CLMN: variants seen among roughly 807,000 people sequenced by gnomAD.
The protein encoded by CLMN is calmin.
In CLMN, 57 loss-of-function variants were observed where a neutral mutation model predicts 92.7. That is an observed-to-expected ratio of 0.61 (90% CI 0.50 to 0.77). The LOEUF (loss-of-function observed/expected upper bound fraction) is 0.77. CLMN is among the 30% of genes least tolerant of loss of function. The pLI is 0.00. For missense variants in CLMN, 1,158 were observed against 1,237.5 expected, an observed-to-expected ratio of 0.94 and a Z score of 0.96; for synonymous variants, 466 against 470.6, an observed-to-expected ratio of 0.99 and a Z score of 0.13.
chr14:95,300,487 G>A (rs1900999644), intron 1 of CLMN, among the ~76,000 whole-genome samples: 1 of 152,180 alleles, frequency 6.6e-6, no homozygotes, highest in Admixed American at 6.5e-5. Context: ...ACCTGGCAGG[G>A]CACAGGGCTC....
At chr14:95,201,339 A>G (rs1369236927) in intron 9 of CLMN, among the ~76,000 whole-genome samples, 1 of 151,824 alleles carries the variant, frequency 6.6e-6, no homozygotes, top group Non-Finnish European at 1.5e-5. Flanking sequence ...GTCACAGCGA[A>G]GAAGGCCTGG....
chr14:95,220,529 T>C (rs554293384), intron 4 of CLMN, among the ~76,000 whole-genome samples: 1 of 152,330 alleles, frequency 6.6e-6, no homozygotes, highest in South Asian at 2.1e-4. Flanking sequence ...AGGCGGGTTG[T>C]TCCCACCTTT....
In CLMN at chr14:95,194,460, G is replaced by A; in HGVS notation, c.2769+76C>T. 1 of 1,610,730 alleles carries A rather than the reference G, an allele frequency of 6.2e-7. No individual in the cohort carries two copies. Among genetic ancestry groups the A allele is most frequent in the South Asian group, 1.1e-5 (1 of 90,694 alleles). Reference sequence around the variant, plus strand: ...GCATGCCAGTAATTTCAAAGCTCTGGGCTGGGGAGGAGGAAGGATGGAAAG... The same window carrying A: ...GCATGCCAGTAATTTCAAAGCTCTGAGCTGGGGAGGAGGAAGGATGGAAAG... On this transcript the variant is annotated intron_variant, in intron 11 of 12. Coordinates refer to ENST00000298912, the MANE Select transcript of CLMN (RefSeq NM_024734.4). The surrounding 1 kb of genome is among the most constrained non-coding windows in gnomAD (Gnocchi z 4.0).
At position 95,203,108 on chromosome 14, in the gene CLMN, C is replaced by T. The variant is rs749325647; in HGVS notation, c.2241G>A (p.Pro747=). 6.2e-6 allele frequency: 10 copies of T among 1,613,398 alleles called. No individual in the cohort carries two copies. The highest frequency in any genetic ancestry group is 1.6e-4 in the Middle Eastern group (1 of 6,084). Reference sequence around the variant, plus strand: ...CCATTTCTTCATTTTTTAGATCCTCCGGGTCTTCTACATAAGCCTCCAAAA... The same window carrying T: ...CCATTTCTTCATTTTTTAGATCCTCTGGGTCTTCTACATAAGCCTCCAAAA... ...AAVLEAYVED[P]EDLKNEEMDL... The change falls in exon 9 of 13, where the codon CCG becomes CCA. Residue 747 remains proline, a synonymous_variant. Transcript: ENST00000298912.
At chr14:95,313,092 G>C (rs2140800930) in intron 1 of CLMN, among the ~76,000 whole-genome samples, 1 of 152,316 alleles carries the variant, frequency 6.6e-6, no homozygotes, top group East Asian at 1.9e-4. Flanking sequence ...TGTAATCCCA[G>C]CTACTCGAGA....
chr14:95,280,120 A>C (rs889538156), intron 1 of CLMN, among the ~76,000 whole-genome samples: 1 of 152,240 alleles, frequency 6.6e-6, no homozygotes, highest in Non-Finnish European at 1.5e-5. Context: ...GAAGTTAAAG[A>C]GGTATTATTT....
chr14:95,268,376 A>T (rs1273665982), intron 1 of CLMN, among the ~76,000 whole-genome samples: 1 of 105,560 alleles, frequency 9.5e-6, no homozygotes, highest in Non-Finnish European at 1.9e-5. Flanking sequence ...TATGCTATGT[A>T]AAAAAAAAAA....
chr14:95,262,129 G>A (rs568379632), intron 1 of CLMN, among the ~76,000 whole-genome samples: 6 of 152,288 alleles, frequency 3.9e-5, no homozygotes, highest in African/African-American at 9.6e-5. Context: ...TCCCCACATC[G>A]TTTGGACAGC....
intron 1 of CLMN, among the ~76,000 whole-genome samples, chr14:95,284,515 G>A (rs1194620663): frequency 1.3e-5 from 2 of 152,206 alleles, no homozygotes. Flanking sequence ...AAAACAGCCA[G>A]GAGGGAGGCT....
chr14:95,230,048 G>T (rs117154805), intron 2 of CLMN, 24 bp downstream of exon 2: 24,860 of 1,610,446 alleles, frequency 0.015, 241 homozygotes, highest in Non-Finnish European at 0.019. Flanking sequence ...CTATCACTTA[G>T]CAAACACCCA....
At chr14:95,243,436 G>T (rs556793902) in intron 1 of CLMN, among the ~76,000 whole-genome samples, 1 of 152,112 alleles carries the variant, frequency 6.6e-6, no homozygotes, top group South Asian at 2.1e-4. Context: ...ACCAAAACCA[G>T]TACTGAAAAT....
chr14:95,280,911 T>C (rs1900121420), intron 1 of CLMN, among the ~76,000 whole-genome samples: 2 of 152,238 alleles, frequency 1.3e-5, no homozygotes, highest in African/African-American at 4.8e-5. Flanking sequence ...ATTTTGTCTT[T>C]GACTGTGGCT....
chr14:95,263,005 G>C (rs930984569), intron 1 of CLMN, among the ~76,000 whole-genome samples: 22 of 152,344 alleles, frequency 1.4e-4, no homozygotes, highest in African/African-American at 5.3e-4. Context: ...TGCAGTGACA[G>C]TGGCTCCCAG....
Position 95,206,452 on chromosome 14 carries a change from A to G in CLMN, c.886-1989T>C, listed in dbSNP as rs10138294. On this transcript the variant is annotated intron_variant, in intron 8 of 12. Transcript: ENST00000298912. ...AAGAATACCAGTATTCTTTAACTGT[A>G]TAAGACCCGTTCTTTTCAAATGCAT... Among the ~76,000 whole-genome samples the G allele has an allele frequency of 9.9e-3, 1,513 of 152,336 alleles. 27 individuals carry two copies. The highest frequency in any genetic ancestry group is 0.035 in the African/African-American group (1,449 of 41,574).
chr14:95,200,970 G>T (rs1595559527), intron 9 of CLMN, among the ~76,000 whole-genome samples: 1 of 144,126 alleles, frequency 6.9e-6, no homozygotes, highest in Non-Finnish European at 1.5e-5. Flanking sequence ...GCCTATGTTA[G>T]TGGTAAGTTA....
intron 1 of CLMN, among the ~76,000 whole-genome samples, chr14:95,279,343 T>C (rs1380495698): frequency 1.3e-5 from 2 of 152,232 alleles, no homozygotes; most frequent in Non-Finnish European, 2.9e-5. Flanking sequence ...ACTTGATAAT[T>C]GCTCAGCTTA....
intron 2 of CLMN, among the ~76,000 whole-genome samples, chr14:95,228,627 AC>A (rs902390146): frequency 6.6e-6 from 1 of 152,180 alleles, no homozygotes; most frequent in African/African-American, 2.4e-5. Context: ...TCTTCTAAGA[AC>A]CTTTCTTTTG....
rs754128345 is a variant in CLMN at position 95,193,888 on chromosome 14, G to A, written c.2801C>T (p.Ala934Val). 4 of 1,614,100 alleles carry A rather than the reference G, an allele frequency of 2.5e-6. No homozygotes were observed. The South Asian group carries it at 4.4e-5, about 18-fold the overall frequency. Residue 934 changes from alanine (A) to valine (V), a missense_variant, in exon 12 of 13, where the codon GCA (alanine) becomes GTA (valine). Transcript: ENST00000298912. ...GTTTCTTCTGTCATCCAGATCTGCT[G>A]CGTTCCTCAACTGAACATAGCTAAA... is the stretch of plus-strand genomic sequence containing the variant. ...DHFSYVQLRN[A>V]ADLDDRRNRI...
intron 8 of CLMN, among the ~76,000 whole-genome samples, chr14:95,207,721 A>G (rs1897084678): frequency 6.6e-6 from 1 of 152,218 alleles, no homozygotes; most frequent in African/African-American, 2.4e-5. Context: ...CTGGCATTCC[A>G]GCCCAGGAAT....
Sources: allele counts gnomAD v4.1 joint callset (sites outside exome capture counted in the v4.1 genomes callset), GRCh38; gene constraint gnomAD v4.1.1; non-coding constraint Gnocchi (gnomAD v3.1); transcripts MANE v1.5; gene names NCBI Gene and HGNC (gene_info 2026-07-23, HGNC 2026-07-21).